The following MAF variants were observed in gnomAD, a reference collection of about 807,000 sequenced individuals.
MAF encodes the protein transcription factor Maf.
A neutral mutation model predicts 22.0 loss-of-function variants in MAF; 10 were observed. That is an observed-to-expected ratio of 0.45 (90% CI 0.28 to 0.77). The LOEUF (loss-of-function observed/expected upper bound fraction) is 0.77. Ranked by LOEUF, MAF falls within the 30% of genes least tolerant of loss-of-function variation. The probability of loss-of-function intolerance (pLI) is 0.12; values close to 1 mark genes in which losing one functional copy is unlikely to be tolerated. For synonymous variants in MAF, 337 were observed against 255.8 expected, an observed-to-expected ratio of 1.32 and a Z score of -3.03; for missense variants, 544 against 548.4, an observed-to-expected ratio of 0.99 and a Z score of 0.08.
At chr16:79,481,918 C>T in the MAF span, among the ~76,000 whole-genome samples, 5 of 152,248 alleles carry the variant, frequency 3.3e-5, no homozygotes, top group East Asian at 1.9e-4. Context: ...GAAGCAGGTG[C>T]GACCTGCTCA....
chr16:79,594,241 C>T lies in MAF; in HGVS notation c.*219G>A, dbSNP rs78847445. On this transcript the variant is annotated 3_prime_UTR_variant, in exon 2 of 2. Coordinates refer to ENST00000326043, the MANE Select transcript of MAF (RefSeq NM_005360.5). ...CAATGCACCTGTTTACTTGCACACA[C>T]CATAAATCGAAAAGCAGGAGTGCGC... 9.1e-6 allele frequency: 5 copies of T among 547,586 alleles called. No homozygotes were observed. Among genetic ancestry groups the T allele is most frequent in the Admixed American group, 6.0e-5 (2 of 33,132 alleles). 33.9% of individuals were successfully genotyped at this position (547,586 alleles called of 1,614,324 possible). A position where few individuals can be genotyped will look rare whatever the true frequency, so the allele number is the denominator to read the frequency against.
the MAF span, among the ~76,000 whole-genome samples, chr16:79,517,579 T>A: frequency 6.8e-6 from 1 of 147,088 alleles, no homozygotes; most frequent in Admixed American, 6.7e-5. Context: ...TTTTTTTTTT[T>A]TTTTTTTTTT....
chr16:79,330,877 C>A, the MAF span, among the ~76,000 whole-genome samples: 1 of 152,232 alleles, frequency 6.6e-6, no homozygotes, highest in African/African-American at 2.4e-5. Flanking sequence ...CTGGCCAGGC[C>A]TGCCTGACTC....
chr16:79,329,841 T>C, the MAF span, among the ~76,000 whole-genome samples: 1 of 152,174 alleles, frequency 6.6e-6, no homozygotes. Flanking sequence ...AACATCTCTC[T>C]CTTCCAACTC....
the MAF span, among the ~76,000 whole-genome samples, chr16:79,357,297 C>CAACAACAAT: frequency 5.2e-5 from 7 of 135,414 alleles, no homozygotes; most frequent in African/African-American, 1.9e-4. Context: ...ACAACAACAA[C>CAACAACAAT]AATTAGCTGG....
the MAF span, among the ~76,000 whole-genome samples, chr16:79,388,311 T>G: frequency 6.6e-6 from 1 of 151,154 alleles, no homozygotes; most frequent in Non-Finnish European, 1.5e-5. Context: ...GCTGTTAAGA[T>G]TTCTACAATA....
At chr16:79,412,846 T>C in the MAF span, among the ~76,000 whole-genome samples, 24 of 152,276 alleles carry the variant, frequency 1.6e-4, no homozygotes, top group Non-Finnish European at 3.4e-4. Context: ...AGAGATAATA[T>C]GGGAGGAGGT....
the MAF span, chr16:79,206,709 T>A: frequency 2.0e-5 from 3 of 152,186 alleles, no homozygotes; most frequent in African/African-American, 7.2e-5. Context: ...AGTTGGTGTG[T>A]TCGTTGGTTA....
the MAF span, among the ~76,000 whole-genome samples, chr16:79,344,500 A>G: frequency 6.6e-6 from 1 of 152,230 alleles, no homozygotes; most frequent in Non-Finnish European, 1.5e-5. Flanking sequence ...ACTGTCCCAT[A>G]CAATCCAGGA....
chr16:79,232,055 G>A, the MAF span, among the ~76,000 whole-genome samples: 2 of 151,926 alleles, frequency 1.3e-5, no homozygotes, highest in African/African-American at 4.8e-5. Flanking sequence ...GACAGGAGGT[G>A]GAGCTCAAGT....
At chr16:79,320,075 C>T in the MAF span, among the ~76,000 whole-genome samples, 8 of 152,004 alleles carry the variant, frequency 5.3e-5, no homozygotes, top group African/African-American at 1.7e-4. Flanking sequence ...AGAAGGAAGG[C>T]CAGTGTTGAG....
At chr16:79,258,463 C>T in the MAF span, among the ~76,000 whole-genome samples, 3 of 152,176 alleles carry the variant, frequency 2.0e-5, no homozygotes, top group African/African-American at 7.2e-5. Flanking sequence ...GGGGTCCAAG[C>T]CCATTTTCTT....
the MAF span, among the ~76,000 whole-genome samples, chr16:79,441,716 C>G: frequency 6.6e-6 from 1 of 152,166 alleles, no homozygotes; most frequent in Non-Finnish European, 1.5e-5. Flanking sequence ...TATTTGTTTC[C>G]TTCCATAGCA....
At chr16:79,289,161 A>T in the MAF span, among the ~76,000 whole-genome samples, 1 of 152,132 alleles carries the variant, frequency 6.6e-6, no homozygotes, top group Non-Finnish European at 1.5e-5. Flanking sequence ...GATTCTCAAG[A>T]TTGTGGAGAA....
chr16:79,297,580 C>G, the MAF span, among the ~76,000 whole-genome samples: 5 of 152,182 alleles, frequency 3.3e-5, no homozygotes, highest in African/African-American at 7.2e-5. Flanking sequence ...TGGAGAAGAT[C>G]AGGACTCTCC....
chr16:79,216,265 A>G, the MAF span, among the ~76,000 whole-genome samples: 8 of 151,946 alleles, frequency 5.3e-5, no homozygotes, highest in Admixed American at 6.5e-5. Context: ...ATGCACAAAT[A>G]TGTGTGCCAT....
chr16:79,563,754 CACACACACAA>C, the MAF span, among the ~76,000 whole-genome samples: 923 of 131,956 alleles, frequency 7.0e-3, 11 homozygotes, highest in African/African-American at 0.022. Flanking sequence ...CACACACACA[CACACACACAA>C]ACACACACAC....
At chr16:79,447,087 A>C in the MAF span, among the ~76,000 whole-genome samples, 1 of 150,740 alleles carries the variant, frequency 6.6e-6, no homozygotes, top group Non-Finnish European at 1.5e-5. Context: ...AAATTATTTC[A>C]TGGAGACATA....
chr16:79,288,370 C>T, the MAF span, among the ~76,000 whole-genome samples: 2 of 152,134 alleles, frequency 1.3e-5, no homozygotes, highest in Non-Finnish European at 2.9e-5. Flanking sequence ...AAGCCGGTTA[C>T]ATAAGAATCC....
Sources: gnomAD v4.1 joint callset for allele counts (sites outside exome capture counted in the v4.1 genomes callset) on GRCh38, gnomAD v4.1.1 for gene constraint, MANE v1.5 for transcripts, NCBI Gene and HGNC (gene_info 2026-07-23, HGNC 2026-07-21) for gene names.